Variants in SEL1L observed in about 807,000 individuals in gnomAD.
SEL1L encodes the protein SEL1L adaptor subunit of SYVN1 ubiquitin ligase.
SEL1L carries 52 observed loss-of-function variants against 109.8 expected under a neutral mutation model. The ratio of observed to expected loss-of-function variants is 0.47; its 90% CI spans 0.38 to 0.60. SEL1L has a LOEUF of 0.60. Among genes scored for constraint, SEL1L ranks in the 20% least tolerant of loss-of-function variants. The probability of loss-of-function intolerance (pLI) is 0.00; values close to 1 mark genes in which losing one functional copy is unlikely to be tolerated. For synonymous variants in SEL1L, 373 were observed against 339.6 expected, an observed-to-expected ratio of 1.10 and a Z score of -1.08; for missense variants, 749 against 962.2, an observed-to-expected ratio of 0.78 and a Z score of 2.93.
intron 3 of SEL1L, among the ~76,000 whole-genome samples, chr14:81,514,565 A>C (rs1884622034): frequency 1.3e-5 from 2 of 152,168 alleles, no homozygotes; most frequent in Non-Finnish European, 2.9e-5. Context: ...AGGGCCACTA[A>C]ATCCAATCTT....
chr14:81,494,698 C>T (rs1883673111), intron 11 of SEL1L, among the ~76,000 whole-genome samples: 1 of 152,298 alleles, frequency 6.6e-6, no homozygotes, highest in African/African-American at 2.4e-5. Context: ...AGAAGTCTTC[C>T]CTGGCAAGCG....
At chr14:81,510,669 C>A (rs1415576372) in intron 3 of SEL1L, among the ~76,000 whole-genome samples, 1 of 151,994 alleles carries the variant, frequency 6.6e-6, no homozygotes, top group African/African-American at 2.4e-5. Context: ...ATTTTAAGAA[C>A]TTTTACAGTT....
chr14:81,477,455 G>A (rs1363776345), intron 20 of SEL1L, among the ~76,000 whole-genome samples: 1 of 152,002 alleles, frequency 6.6e-6, no homozygotes, highest in African/African-American at 2.4e-5. Context: ...CTTTCCACCA[G>A]TAATCCAATA....
At chr14:81,511,367 A>G (rs1884470567) in intron 3 of SEL1L, among the ~76,000 whole-genome samples, 1 of 152,230 alleles carries the variant, frequency 6.6e-6, no homozygotes, top group South Asian at 2.1e-4. Context: ...CAAACTTCAT[A>G]TTAATCAGGT....
At chr14:81,495,048 T>C in intron 11 of SEL1L, 33 bp downstream of exon 11, 3 of 1,597,650 alleles carry the variant, frequency 1.9e-6, no homozygotes, top group Non-Finnish European at 2.6e-6. Context: ...CTGCTAAAAC[T>C]GAGATGCAAA....
In SEL1L at chr14:81,474,284, T is replaced by C. The variant is rs980458307; in HGVS notation, c.*2688A>G. On this transcript the variant is annotated 3_prime_UTR_variant, in exon 21 of 21. Coordinates refer to ENST00000336735, the MANE Select transcript of SEL1L (RefSeq NM_005065.6). ...ACCCACCAATGCTACCTCTGTAAAA[T>C]AAAACTAGAAGCAAAATGAATAGTT... 8.0e-6 allele frequency: 1 copy of C among 124,808 alleles called. No individual in the cohort carries two copies. Among genetic ancestry groups the C allele is most frequent in the African/African-American group, 3.0e-5 (1 of 33,276 alleles). 7.7% of individuals were successfully genotyped at this position (124,808 alleles called of 1,614,324 possible). A position where few individuals can be genotyped will look rare whatever the true frequency, so the allele number is the denominator to read the frequency against.
At chr14:81,498,617 CT>C in intron 8 of SEL1L, 123 bp from the exon 9 acceptor site, 1 of 656,216 alleles carries the variant, frequency 1.5e-6, no homozygotes, top group South Asian at 2.0e-5. Context: ...ACACTAACAC[CT>C]TATTTATGCT....
intron 16 of SEL1L, 111 bp downstream of exon 16, chr14:81,487,279 C>T: frequency 9.8e-7 from 1 of 1,025,300 alleles, no homozygotes; most frequent in Non-Finnish European, 1.4e-6. Context: ...GCTAGGTAGG[C>T]TGAGTCTAGA....
rs573675364 is a variant in SEL1L at position 81,476,294 on chromosome 14, C to T, written c.*678G>A. The T allele has an allele frequency of 1.4e-4, 22 of 152,254 alleles. No individual in the cohort carries two copies. The highest frequency in any genetic ancestry group is 5.3e-4 in the African/African-American group (22 of 41,532). 9.4% of individuals were successfully genotyped at this position (152,254 alleles called of 1,614,324 possible). A position where few individuals can be genotyped will look rare whatever the true frequency, so the allele number is the denominator to read the frequency against. On this transcript the variant is annotated 3_prime_UTR_variant, in exon 21 of 21. Transcript: ENST00000336735. ...TATATTCCATTCCAAAGAAGTAAAG[C>T]TCACAAAAAACTCCTTAACAAGGCC...
intron 5 of SEL1L, among the ~76,000 whole-genome samples, chr14:81,503,427 C>T (rs1239714392): frequency 6.6e-6 from 1 of 151,970 alleles, no homozygotes; most frequent in East Asian, 1.9e-4. Flanking sequence ...AGCCTCTCTA[C>T]CTTCCAAGTT....
At position 81,494,995 on chromosome 14, in the gene SEL1L, A is replaced by G. The variant is rs1883685535; in HGVS notation, c.1185+86T>C. On this transcript the variant is annotated intron_variant, in intron 11 of 20. Coordinates refer to ENST00000336735, the MANE Select transcript of SEL1L (RefSeq NM_005065.6). The stretch of plus-strand genomic sequence containing the variant: ...GGTGTTTAAATGACAGAAGTTTGAT[A>G]CTGGTATTGACTTAGCAAGAAATAC... 5 of 1,271,892 alleles carry G rather than the reference A, an allele frequency of 3.9e-6. No homozygotes were observed. In the African/African-American group the frequency reaches 4.4e-5, roughly 11 times the overall value. 78.8% of individuals were successfully genotyped at this position (1,271,892 alleles called of 1,614,324 possible). A position where few individuals can be genotyped will look rare whatever the true frequency, so the allele number is the denominator to read the frequency against.
intron 3 of SEL1L, among the ~76,000 whole-genome samples, chr14:81,520,217 T>G (rs1184705733): frequency 3.3e-5 from 5 of 152,182 alleles, no homozygotes; most frequent in African/African-American, 1.2e-4. Flanking sequence ...ATATTAAGAA[T>G]AAATTAAAAA....
At chr14:81,484,116 T>C (rs1027856367) in intron 19 of SEL1L, 109 bp downstream of exon 19, 1 of 1,120,294 alleles carries the variant, frequency 8.9e-7, no homozygotes, top group Non-Finnish European at 1.3e-6. Flanking sequence ...CATAATTTAG[T>C]GGCCTGAAAT....
chr14:81,503,999 A>C (rs1884124644), intron 5 of SEL1L, among the ~76,000 whole-genome samples: 1 of 152,212 alleles, frequency 6.6e-6, no homozygotes, highest in African/African-American at 2.4e-5. Flanking sequence ...TTGTTACTGT[A>C]ATCAGTATAA....
intron 3 of SEL1L, among the ~76,000 whole-genome samples, chr14:81,524,610 G>A (rs1044693893): frequency 6.6e-6 from 1 of 152,200 alleles, no homozygotes; most frequent in African/African-American, 2.4e-5. Context: ...GGTGGCTCAC[G>A]CCTGTAATCC....
At chr14:81,497,348 AAAG>A (rs1304723257) in intron 10 of SEL1L, among the ~76,000 whole-genome samples, 1 of 152,264 alleles carries the variant, frequency 6.6e-6, no homozygotes, top group Non-Finnish European at 1.5e-5. Context: ...TTTAATATCA[AAAG>A]AAGCCACGAA....
At chr14:81,503,181 G>A (rs1427490696) in intron 5 of SEL1L, among the ~76,000 whole-genome samples, 2 of 151,820 alleles carry the variant, frequency 1.3e-5, no homozygotes. Context: ...TAGTAGAGAC[G>A]GGGTTTCACC....
intron 3 of SEL1L, among the ~76,000 whole-genome samples, chr14:81,507,722 A>C (rs958729974): frequency 6.6e-6 from 1 of 152,094 alleles, no homozygotes; most frequent in African/African-American, 2.4e-5. Context: ...GGTATGCCTA[A>C]GAATGCTGCA....
chr14:81,499,298 ATG>A (rs749069121), intron 8 of SEL1L, 159 bp downstream of exon 8: 3 of 1,326,840 alleles, frequency 2.3e-6, no homozygotes, highest in Non-Finnish European at 2.9e-6. Context: ...TGTAGATTCC[ATG>A]TGTTATATCC....
Sources: allele counts gnomAD v4.1 joint callset (sites outside exome capture counted in the v4.1 genomes callset), GRCh38; gene constraint gnomAD v4.1.1; transcripts MANE v1.5; gene names NCBI Gene and HGNC (gene_info 2026-07-23, HGNC 2026-07-21).